Variants in NXN observed in about 807,000 individuals in gnomAD.
NXN encodes the protein nucleoredoxin 1.
In NXN, 16 loss-of-function variants were observed where a neutral mutation model predicts 48.6. The ratio of observed to expected loss-of-function variants is 0.33; its 90% CI spans 0.22 to 0.50. The LOEUF is 0.50. NXN is among the 20% of genes least tolerant of loss of function. The pLI is 0.98. For missense variants in NXN, 492 were observed against 605.5 expected, an observed-to-expected ratio of 0.81 and a Z score of 1.97; for synonymous variants, 281 against 269.6, an observed-to-expected ratio of 1.04 and a Z score of -0.41.
At chr17:831,228 G>A (rs368584953) in intron 1 of NXN, among the ~76,000 whole-genome samples, 1 of 151,740 alleles carries the variant, frequency 6.6e-6, no homozygotes, top group East Asian at 1.9e-4. Flanking sequence ...GGGAGGCAAG[G>A]GGGAGCGGAT....
intron 5 of NXN, among the ~76,000 whole-genome samples, chr17:814,515 C>T (rs546877210): frequency 6.8e-4 from 103 of 152,324 alleles, no homozygotes; most frequent in African/African-American, 1.8e-3. Context: ...CAGCTCCACT[C>T]TAAGTGACAA....
intron 1 of NXN, among the ~76,000 whole-genome samples, chr17:979,057 G>A (rs1161732440): frequency 2.1e-5 from 3 of 140,940 alleles, no homozygotes; most frequent in Non-Finnish European, 3.1e-5. Context: ...GCGCAGCGCA[G>A]CACTCGAACC....
intron 1 of NXN, among the ~76,000 whole-genome samples, chr17:895,800 G>GACAGAGCAAGAC (rs1327841147): frequency 0.38 from 54,788 of 145,612 alleles, 11,151 homozygotes; most frequent in South Asian, 0.49. Flanking sequence ...CCTGGGTTTT[G>GACAGAGCAAGAC]TTTGTCTCAA....
chr17:969,130 T>G (rs2069342015), intron 1 of NXN, among the ~76,000 whole-genome samples: 1 of 152,152 alleles, frequency 6.6e-6, no homozygotes, highest in Admixed American at 6.6e-5. Flanking sequence ...AAATGTGGAA[T>G]GAATACCGAA....
intron 1 of NXN, among the ~76,000 whole-genome samples, chr17:843,055 AGAAG>A (rs541094677): frequency 0.042 from 4,732 of 113,174 alleles, 96 homozygotes; most frequent in African/African-American, 0.065. Context: ...AAAGAAAGAA[AGAAG>A]GAAGAAAGCA....
chr17:899,173 G>A (rs1255400519), intron 1 of NXN, among the ~76,000 whole-genome samples: 1 of 152,098 alleles, frequency 6.6e-6, no homozygotes, highest in African/African-American at 2.4e-5. Context: ...GGTCAGGCTC[G>A]TCTTGAACTC....
intron 1 of NXN, among the ~76,000 whole-genome samples, chr17:835,139 T>C (rs1184699164): frequency 2.0e-5 from 3 of 150,994 alleles, no homozygotes; most frequent in Non-Finnish European, 4.4e-5. Flanking sequence ...AAACCCTGTC[T>C]CTACTAAAAA....
intron 1 of NXN, chr17:879,961 A>G (rs982634795): frequency 2.6e-5 from 4 of 152,192 alleles, no homozygotes; most frequent in Admixed American, 6.5e-5. Flanking sequence ...AATGACATGG[A>G]GCCCAATTCA....
At chr17:860,183 A>T (rs1271443971) in intron 1 of NXN, among the ~76,000 whole-genome samples, 1 of 152,138 alleles carries the variant, frequency 6.6e-6, no homozygotes, top group Non-Finnish European at 1.5e-5. Context: ...GAGGGCAGTG[A>T]CCTGATCTCA....
At chr17:883,935 T>G (rs931971093) in intron 1 of NXN, among the ~76,000 whole-genome samples, 1 of 151,940 alleles carries the variant, frequency 6.6e-6, no homozygotes, top group Non-Finnish European at 1.5e-5. Context: ...AAAACATTGC[T>G]GGGCCGGGCG....
In NXN at chr17:819,499, C is replaced by T. The variant is rs767391651; in HGVS notation, c.760G>A (p.Ala254Thr). The T allele has an allele frequency of 7.4e-6, 12 of 1,612,578 alleles. No individual in the cohort carries two copies. Among genetic ancestry groups the T allele is most frequent in the Non-Finnish European group, 1.0e-5 (12 of 1,179,380 alleles). The change falls in exon 5 of 8, where the codon GCC (alanine) becomes ACC (threonine). Residue 254 changes from alanine to threonine, a missense_variant. Coordinates refer to ENST00000336868, the MANE Select transcript of NXN (RefSeq NM_022463.5). Reference sequence around the variant, plus strand: ...CGGGCCTCATCCGTGTAGGGGACGGCGAGCCAGGGCATCTCACTGAAGTAC... The same window carrying T: ...CGGGCCTCATCCGTGTAGGGGACGGTGAGCCAGGGCATCTCACTGAAGTAC... ...KQYFSEMPWL[A>T]VPYTDEARRS...
rs115438330 is a variant in NXN, at chr17:888,452, C to T, written c.361-62374G>A. ...CCCAGTCTGGCAAAGAAATCCTGGG[C>T]TTAAAGGATCTGGCCACCTTGGCCC... On this transcript the variant is annotated intron_variant, in intron 1 of 7. Coordinates refer to ENST00000336868, the MANE Select transcript of NXN (RefSeq NM_022463.5). Among the ~76,000 whole-genome samples, 981 of 152,254 alleles carry T rather than the reference C, an allele frequency of 6.4e-3. 11 individuals carry two copies. The highest frequency in any genetic ancestry group is 0.02 in the African/African-American group (818 of 41,540).
chr17:908,963 G>A (rs1482981973), intron 1 of NXN, among the ~76,000 whole-genome samples: 3 of 152,004 alleles, frequency 2.0e-5, no homozygotes, highest in African/African-American at 2.4e-5. Flanking sequence ...CAAATTAGCC[G>A]GGTGTGGTGG....
Position 805,110 on chromosome 17 carries a change from C to G in NXN, c.958G>C (p.Ala320Pro). Residue 320 changes from alanine (A) to proline (P), a missense_variant, in exon 6 of 8, where the codon GCC becomes CCC. By Grantham distance (27) the Ala-to-Pro change is conservative. This residue lies in a region of NXN where 303 missense variants were observed against 388.3 expected (regional missense o/e 0.78). Coordinates refer to ENST00000336868, the MANE Select transcript of NXN (RefSeq NM_022463.5). Reference protein sequence around the residue: ...KPVLELSDSNAAQLNEGPCLV... With the variant: ...KPVLELSDSNPAQLNEGPCLV... ...CAGGGGCCCTCGTTAAGCTGCGCGG[C>G]GTTGGAGTCGGAGAGCTCCAGCACG... 1 of 1,609,548 alleles carries G rather than the reference C, an allele frequency of 6.2e-7. No homozygotes were observed. The highest frequency in any genetic ancestry group is 8.5e-7 in the Non-Finnish European group (1 of 1,178,562).
At chr17:979,262 G>T in intron 1 of NXN, 57 bp downstream of exon 1, 3 of 1,239,964 alleles carry the variant, frequency 2.4e-6, no homozygotes, top group Non-Finnish European at 3.1e-6. Context: ...GTGGGGGGCG[G>T]GCAGGGGTAA....
intron 1 of NXN, among the ~76,000 whole-genome samples, chr17:929,267 G>A (rs1313713109): frequency 2.0e-5 from 3 of 152,194 alleles, no homozygotes; most frequent in Non-Finnish European, 2.9e-5. Flanking sequence ...CAGGCCACTC[G>A]CTTCACCTGC....
chr17:889,661 A>C (rs2068387891), intron 1 of NXN, among the ~76,000 whole-genome samples: 1 of 151,860 alleles, frequency 6.6e-6, no homozygotes, highest in African/African-American at 2.4e-5. Flanking sequence ...TGAGCAACAG[A>C]GCGAGACTGT....
In NXN at chr17:914,844, A is replaced by G. The variant is rs139677163; in HGVS notation, c.360+64475T>C. Among the ~76,000 whole-genome samples the G allele has an allele frequency of 7.0e-3, 1,061 of 152,334 alleles. 16 individuals are homozygous for G. Among genetic ancestry groups the G allele is most frequent in the African/African-American group, 0.025 (1,019 of 41,580 alleles). On this transcript the variant is annotated intron_variant, in intron 1 of 7. Transcript: ENST00000336868. ...CTGGAGGAGCTGATGAGTGCGTGGAACCAACAGCACAGGCAAATAAAGCAA... is the reference window on the plus strand; with the variant it reads ...CTGGAGGAGCTGATGAGTGCGTGGAGCCAACAGCACAGGCAAATAAAGCAA...
At chr17:913,070 G>A (rs2068652599) in intron 1 of NXN, among the ~76,000 whole-genome samples, 1 of 152,288 alleles carries the variant, frequency 6.6e-6, no homozygotes, top group African/African-American at 2.4e-5. Context: ...ATTTGATCTG[G>A]TTTCTGGTAT....
Sources: allele counts gnomAD v4.1 joint callset (sites outside exome capture counted in the v4.1 genomes callset), GRCh38; gene constraint gnomAD v4.1.1; regional missense constraint gnomAD v4.1.1; transcripts MANE v1.5; gene names NCBI Gene and HGNC (gene_info 2026-07-23, HGNC 2026-07-21).